Variants in CD2AP observed in about 807,000 individuals in gnomAD.
CD2AP encodes the protein CD2 associated protein.
A neutral mutation model predicts 85.1 loss-of-function variants in CD2AP; 46 were observed. That is an observed-to-expected ratio of 0.54 (90% CI 0.43 to 0.69). The LOEUF is 0.69. CD2AP is among the 30% of genes least tolerant of loss of function. The pLI is 0.00. For synonymous variants in CD2AP, 255 were observed against 252.9 expected, an observed-to-expected ratio of 1.01 and a Z score of -0.08; for missense variants, 769 against 729.5, an observed-to-expected ratio of 1.05 and a Z score of -0.62.
chr6:47,574,886 G>A (rs1768262656), intron 6 of CD2AP, among the ~76,000 whole-genome samples: 1 of 152,082 alleles, frequency 6.6e-6, no homozygotes, highest in South Asian at 2.1e-4. Context: ...ACAGTCTGTA[G>A]AACATTTTTT....
chr6:47,483,514 CA>C (rs1324504867), intron 1 of CD2AP, among the ~76,000 whole-genome samples: 1 of 152,088 alleles, frequency 6.6e-6, no homozygotes, highest in Admixed American at 6.6e-5. Context: ...TGGAGAAATA[CA>C]AGGTGGGTAT....
At chr6:47,561,121 TA>T (rs1327864727) in intron 5 of CD2AP, among the ~76,000 whole-genome samples, 3 of 152,210 alleles carry the variant, frequency 2.0e-5, no homozygotes, top group Non-Finnish European at 4.4e-5. Context: ...TGTGACTTTT[TA>T]AAAAAGTCAA....
intron 4 of CD2AP, 55 bp from the exon 5 acceptor site, chr6:47,554,591 G>A: frequency 6.2e-7 from 1 of 1,605,998 alleles, no homozygotes; most frequent in Non-Finnish European, 8.5e-7. Context: ...CCCATAGGGT[G>A]ACGATTTTCA....
chr6:47,514,113 G>C (rs1286377960), intron 2 of CD2AP, among the ~76,000 whole-genome samples: 13 of 151,930 alleles, frequency 8.6e-5, no homozygotes, highest in Non-Finnish European at 7.4e-5. Context: ...TCTTCCTTCT[G>C]CTTATGTATT....
chr6:47,626,016 G>A lies in CD2AP; in HGVS notation c.*1789G>A, dbSNP rs922371991. ...ACTTTCTTTTAATGACCAACCTTAG[G>A]TAAAACAAAAATATTGTAATCCTAG... is the stretch of plus-strand genomic sequence containing the variant. On this transcript the variant is annotated 3_prime_UTR_variant, in exon 18 of 18. Transcript: ENST00000359314. 9 of 151,752 alleles carry A rather than the reference G, an allele frequency of 5.9e-5. No individual in the cohort carries two copies. Among genetic ancestry groups the A allele is most frequent in the Non-Finnish European group, 1.0e-4 (7 of 67,766 alleles). The allele number at this position is 151,752 out of a possible 1,614,324, so 9.4% of individuals were successfully genotyped here. A position where few individuals can be genotyped will look rare whatever the true frequency, so the allele number is the denominator to read the frequency against.
intron 17 of CD2AP, among the ~76,000 whole-genome samples, chr6:47,613,047 A>G (rs1034749656): frequency 6.6e-6 from 1 of 152,182 alleles, no homozygotes; most frequent in East Asian, 1.9e-4. Flanking sequence ...GCTGATCCAA[A>G]AGAAGCAACT....
intron 1 of CD2AP, among the ~76,000 whole-genome samples, chr6:47,498,165 ATTTTC>A (rs1409628505): frequency 6.6e-6 from 1 of 152,074 alleles, no homozygotes; most frequent in Non-Finnish European, 1.5e-5. Flanking sequence ...GTGAGAGTTA[ATTTTC>A]TTTATTGTTG....
At chr6:47,601,643 T>C (rs1258537266) in intron 13 of CD2AP, among the ~76,000 whole-genome samples, 1 of 152,014 alleles carries the variant, frequency 6.6e-6, no homozygotes, top group East Asian at 1.9e-4. Flanking sequence ...GACGATCATA[T>C]GTTCCTAGTA....
At position 47,587,606 on chromosome 6, in the gene CD2AP, A is replaced by G. The variant is rs1288879261; in HGVS notation, c.1108+5541A>G. 2.6e-5 allele frequency among the ~76,000 whole-genome samples: 4 copies of G among 152,226 alleles called. No individual in the cohort carries two copies. In the East Asian group the frequency reaches 7.7e-4, roughly 29 times the overall value. On this transcript the variant is annotated intron_variant, in intron 11 of 17. Transcript: ENST00000359314. The stretch of plus-strand genomic sequence containing the variant: ...AGCACAAGTTATCCTGCTTTTTGAG[A>G]TGTCCTTTTTTGTATTTATCTTTCA...
intron 17 of CD2AP, among the ~76,000 whole-genome samples, chr6:47,617,859 T>C (rs1582631214): frequency 6.6e-6 from 1 of 152,240 alleles, no homozygotes; most frequent in East Asian, 1.9e-4. Flanking sequence ...TACTTGCTGA[T>C]TCTCCATTGT....
At chr6:47,590,216 G>A (rs773850919) in intron 11 of CD2AP, among the ~76,000 whole-genome samples, 1 of 151,876 alleles carries the variant, frequency 6.6e-6, no homozygotes, top group Non-Finnish European at 1.5e-5. Flanking sequence ...AAGTAACTGT[G>A]CTTAATAAAT....
chr6:47,522,961 C>CT (rs970693415), intron 2 of CD2AP, among the ~76,000 whole-genome samples: 4 of 151,640 alleles, frequency 2.6e-5, no homozygotes, highest in African/African-American at 9.7e-5. Flanking sequence ...GAAAAAAATT[C>CT]TTTTTTTAGA....
Position 47,556,660 on chromosome 6 carries a change from T to C in CD2AP, c.541+1894T>C, listed in dbSNP as rs540044770. ...CACTGTGCCCAGCTGAACTCATTCT[T>C]TTTTATGGCTGCATAGTATTCCATG... On this transcript the variant is annotated intron_variant, in intron 5 of 17. Transcript: ENST00000359314. Among the ~76,000 whole-genome samples the C allele has an allele frequency of 3.9e-5, 6 of 152,278 alleles. No homozygotes were observed. The South Asian group carries it at 1.2e-3, about 32-fold the overall frequency.
At chr6:47,561,122 A>T (rs1194339474) in intron 5 of CD2AP, among the ~76,000 whole-genome samples, 2 of 152,276 alleles carry the variant, frequency 1.3e-5, no homozygotes, top group African/African-American at 2.4e-5. Flanking sequence ...GTGACTTTTT[A>T]AAAAAGTCAA....
chr6:47,569,611 T>G (rs920537345), intron 5 of CD2AP, among the ~76,000 whole-genome samples: 2 of 151,808 alleles, frequency 1.3e-5, no homozygotes, highest in Non-Finnish European at 2.9e-5. Flanking sequence ...TTCTAGTCTC[T>G]TACAGGTAGA....
intron 5 of CD2AP, among the ~76,000 whole-genome samples, chr6:47,560,789 A>G (rs915873133): frequency 6.6e-6 from 1 of 152,138 alleles, no homozygotes; most frequent in Non-Finnish European, 1.5e-5. Context: ...TCATGGAGAG[A>G]TACTTTGAGA....
intron 5 of CD2AP, among the ~76,000 whole-genome samples, chr6:47,556,693 T>C (rs946836335): frequency 6.6e-6 from 1 of 152,180 alleles, no homozygotes; most frequent in African/African-American, 2.4e-5. Flanking sequence ...ATGGTGTATA[T>C]GTGCCACATT....
intron 5 of CD2AP, among the ~76,000 whole-genome samples, chr6:47,572,025 A>C (rs577776807): frequency 6.6e-6 from 1 of 152,334 alleles, no homozygotes; most frequent in Admixed American, 6.5e-5. Flanking sequence ...TGGCACATAC[A>C]GGATGTTAAG....
chr6:47,560,924 C>T (rs990004321), intron 5 of CD2AP, among the ~76,000 whole-genome samples: 2 of 152,018 alleles, frequency 1.3e-5, no homozygotes, highest in African/African-American at 4.8e-5. Context: ...TACCATCATC[C>T]CTTCTATGTG....
Sources: allele counts gnomAD v4.1 joint callset (sites outside exome capture counted in the v4.1 genomes callset), GRCh38; gene constraint gnomAD v4.1.1; transcripts MANE v1.5; gene names NCBI Gene and HGNC (gene_info 2026-07-23, HGNC 2026-07-21).